The following DCDC2C variants were observed in gnomAD, a reference collection of about 807,000 sequenced individuals.
DCDC2C encodes doublecortin domain containing 2C, also known as doublecortin domain-containing protein 2C.
In DCDC2C, 44 loss-of-function variants were observed where a neutral mutation model predicts 45.0. That is an observed-to-expected ratio of 0.98 (90% CI 0.77 to 1.26). DCDC2C has a LOEUF of 1.26. Ranked by LOEUF, DCDC2C falls within the 50% of genes most tolerant of loss-of-function variation. The pLI, the probability that DCDC2C is intolerant of heterozygous loss-of-function variation, is 0.00. For missense variants in DCDC2C, 447 were observed against 468.9 expected (o/e 0.95, Z 0.43); for synonymous variants, 187 against 178.8 (o/e 1.05, Z -0.37).
chr2:3,741,684 AAAG>A, intron 3 of DCDC2C, among the ~76,000 whole-genome samples: 2 of 151,778 alleles, frequency 1.3e-5, no homozygotes, highest in African/African-American at 4.9e-5. Flanking sequence ...GTCTACAACA[AAAG>A]CACACATACA....
chr2:3,723,903 T>C (rs1160578956), intron 2 of DCDC2C, among the ~76,000 whole-genome samples: 9 of 152,150 alleles, frequency 5.9e-5, no homozygotes, highest in Non-Finnish European at 8.8e-5. Flanking sequence ...GCAATTCTAT[T>C]TGAGCCATAA....
intron 2 of DCDC2C, among the ~76,000 whole-genome samples, chr2:3,718,436 A>AT (rs1572554998): frequency 6.6e-6 from 1 of 152,092 alleles, no homozygotes; most frequent in East Asian, 1.9e-4. Context: ...TTTAGCAGGG[A>AT]GTGCCTCTGT....
At chr2:3,705,015 T>C (rs1041220759) in intron 1 of DCDC2C, among the ~76,000 whole-genome samples, 4 of 152,204 alleles carry the variant, frequency 2.6e-5, no homozygotes, top group African/African-American at 4.8e-5. Context: ...TATAGCTTTG[T>C]GTGGGGACAT....
chr2:3,828,061 C>T (rs1558245281), intron 10 of DCDC2C, among the ~76,000 whole-genome samples: 1 of 152,200 alleles, frequency 6.6e-6, no homozygotes, highest in Non-Finnish European at 1.5e-5. Flanking sequence ...TCAAAAATCA[C>T]ATGAAAGTCT....
chr2:3,721,545 T>G (rs1458505306), intron 2 of DCDC2C, among the ~76,000 whole-genome samples: 2 of 152,168 alleles, frequency 1.3e-5, no homozygotes, highest in East Asian at 3.8e-4. Context: ...GAACAGAGAC[T>G]TTGGAGCCCA....
intron 6 of DCDC2C, among the ~76,000 whole-genome samples, chr2:3,755,808 A>G (rs1203851933): frequency 6.6e-6 from 1 of 151,894 alleles, no homozygotes; most frequent in East Asian, 1.9e-4. Context: ...ATGGATACAT[A>G]TGTGTGCATG....
At chr2:3,783,133 G>A (rs1440273542) in intron 9 of DCDC2C, among the ~76,000 whole-genome samples, 2 of 152,124 alleles carry the variant, frequency 1.3e-5, no homozygotes, top group East Asian at 1.9e-4. Context: ...CTCAGTTATC[G>A]ACCTTTCAAA....
intron 10 of DCDC2C, among the ~76,000 whole-genome samples, chr2:3,806,180 A>C (rs561954240): frequency 6.6e-6 from 1 of 152,026 alleles, no homozygotes; most frequent in African/African-American, 2.4e-5. Flanking sequence ...ATCGGTCATG[A>C]TTTTGCACTT....
intron 3 of DCDC2C, among the ~76,000 whole-genome samples, chr2:3,735,573 G>T (rs1303807367): frequency 6.6e-6 from 1 of 152,150 alleles, no homozygotes; most frequent in Non-Finnish European, 1.5e-5. Flanking sequence ...ACCCGCATCA[G>T]ATTTGCACTT....
intron 2 of DCDC2C, among the ~76,000 whole-genome samples, chr2:3,718,349 A>C (rs1317348330): frequency 1.3e-5 from 2 of 152,230 alleles, no homozygotes; most frequent in African/African-American, 4.8e-5. Context: ...TGGCTGTCTG[A>C]TTCTATGGGA....
At chr2:3,762,084 G>C (rs1205484495) in intron 6 of DCDC2C, among the ~76,000 whole-genome samples, 4 of 151,868 alleles carry the variant, frequency 2.6e-5, no homozygotes, top group Non-Finnish European at 5.9e-5. Context: ...AGAAATATGG[G>C]TGTAAGACGT....
chr2:3,808,592 G>T (rs6542654), intron 10 of DCDC2C, among the ~76,000 whole-genome samples: 1 of 151,914 alleles, frequency 6.6e-6, no homozygotes, highest in Non-Finnish European at 1.5e-5. Context: ...GGGTTTCACC[G>T]TGTTGGCCAG....
At chr2:3,832,511 G>T (rs115827916) in intron 10 of DCDC2C, among the ~76,000 whole-genome samples, 1 of 152,134 alleles carries the variant, frequency 6.6e-6, no homozygotes, top group Admixed American at 6.6e-5. Flanking sequence ...AACTAAAGCC[G>T]CTCGAGGCCA....
intron 2 of DCDC2C, among the ~76,000 whole-genome samples, chr2:3,717,246 A>T (rs1668373687): frequency 6.6e-6 from 1 of 152,078 alleles, no homozygotes; most frequent in African/African-American, 2.4e-5. Flanking sequence ...CAAAGTCAGG[A>T]CCCACATCTC....
At chr2:3,772,798 A>G (rs1468970049) in intron 8 of DCDC2C, among the ~76,000 whole-genome samples, 2 of 152,202 alleles carry the variant, frequency 1.3e-5, no homozygotes, top group Admixed American at 6.5e-5. Context: ...GTCTCTATCA[A>G]CGGACACAGG....
chr2:3,729,098 G>C (rs966762635), intron 3 of DCDC2C, among the ~76,000 whole-genome samples: 1 of 152,242 alleles, frequency 6.6e-6, no homozygotes, highest in Non-Finnish European at 1.5e-5. Flanking sequence ...AAAACACCCT[G>C]AGTCAGTGAA....
chr2:3,782,783 C>T (rs1332803883), intron 9 of DCDC2C, among the ~76,000 whole-genome samples: 4 of 152,170 alleles, frequency 2.6e-5, no homozygotes, highest in Non-Finnish European at 5.9e-5. Flanking sequence ...CTGGCCTTCT[C>T]CAGTTCTTAG....
intron 3 of DCDC2C, among the ~76,000 whole-genome samples, chr2:3,741,711 G>A (rs139232462): frequency 4.0e-5 from 6 of 148,488 alleles, no homozygotes; most frequent in Middle Eastern, 3.5e-3. Context: ...ACACACATAG[G>A]TATACACACA....
rs531690754 is a variant in DCDC2C, at chr2:3,733,682, G to A, written c.416+6603G>A. 7.2e-5 allele frequency among the ~76,000 whole-genome samples: 11 copies of A among 152,308 alleles called. No individual in the cohort carries two copies. In the South Asian group the frequency reaches 2.3e-3, roughly 32 times the overall value. On this transcript the variant is annotated intron_variant, in intron 3 of 10. Coordinates refer to ENST00000399143, the MANE Select transcript of DCDC2C (RefSeq NM_001287444.2). ...CTCACATGATGGACGGGGCAGACAA[G>A]CTCCCTGAGGCCTCTTTTATAAGGA...
Sources: gnomAD v4.1 joint callset for allele counts (sites outside exome capture counted in the v4.1 genomes callset) on GRCh38, gnomAD v4.1.1 for gene constraint, MANE v1.5 for transcripts, NCBI Gene and HGNC (gene_info 2026-07-23, HGNC 2026-07-21) for gene names.